SAAL1: variants seen among roughly 807,000 people sequenced by gnomAD.
The protein encoded by SAAL1 is serum amyloid A like 1.
SAAL1 carries 42 observed loss-of-function variants against 59.8 expected under a neutral mutation model. The ratio of observed to expected loss-of-function variants is 0.70; its 90% CI spans 0.55 to 0.91. The LOEUF is 0.91. Ranked by LOEUF, SAAL1 falls within the 40% of genes least tolerant of loss-of-function variation. SAAL1 has a pLI of 0.00. For missense variants in SAAL1, 542 were observed against 561.1 expected (o/e 0.97, Z 0.34); for synonymous variants, 191 against 194.3 (o/e 0.98, Z 0.14).
intron 10 of SAAL1, 157 bp downstream of exon 10, chr11:18,083,378 A>G: frequency 1.9e-6 from 1 of 513,554 alleles, no homozygotes; most frequent in Non-Finnish European, 3.4e-6. Flanking sequence ...CACATCAGCT[A>G]GTTGTTTTTA....
At chr11:18,102,215 A>C (rs1848642118) in intron 2 of SAAL1, among the ~76,000 whole-genome samples, 1 of 152,150 alleles carries the variant, frequency 6.6e-6, no homozygotes. Context: ...CAGCCTCGCC[A>C]ACAGGGTAAA....
intron 7 of SAAL1, 99 bp downstream of exon 7, chr11:18,089,231 T>A: frequency 9.4e-7 from 1 of 1,066,210 alleles, no homozygotes; most frequent in Non-Finnish European, 1.3e-6. Context: ...GACTATGTAC[T>A]TTATTCTGTT....
At chr11:18,093,076 T>C (rs2134060868) in intron 3 of SAAL1, among the ~76,000 whole-genome samples, 1 of 152,346 alleles carries the variant, frequency 6.6e-6, no homozygotes, top group East Asian at 1.9e-4. Flanking sequence ...ATCATTCTTT[T>C]GTTCAACATA....
chr11:18,090,871 C>T (rs1848516785), intron 4 of SAAL1: 1 of 157,120 alleles, frequency 6.4e-6, no homozygotes, highest in Non-Finnish European at 1.4e-5. Flanking sequence ...AATAAATAGA[C>T]ATAATCTGGG....
chr11:18,087,007 G>A lies in SAAL1; in HGVS notation c.901C>T (p.Leu301=). 6.2e-7 allele frequency: 1 copy of A among 1,613,888 alleles called. No individual in the cohort carries two copies. Among genetic ancestry groups the A allele is most frequent in the Non-Finnish European group, 8.5e-7 (1 of 1,179,842 alleles). The change falls in exon 9 of 12, where the codon CTG becomes TTG. Residue 301 remains leucine, a synonymous_variant. Transcript: ENST00000524803. ...GACTGGCAGAATTCATGGCAGACCA[G>A]GTCAAAAAGTAAATTCCAAATGTCT... ...GKDIWNLLFD[L]VCHEFCQSDD...
chr11:18,088,310 T>G (rs1009407230), intron 7 of SAAL1, among the ~76,000 whole-genome samples: 3 of 152,216 alleles, frequency 2.0e-5, no homozygotes, highest in Admixed American at 6.5e-5. Context: ...GTTACATGCA[T>G]GATGCTGAGG....
chr11:18,080,348 G>T lies in SAAL1; in HGVS notation c.*51C>A. ...TCCAATAAGTCAATTTCAACTGTCA[G>T]TGAGAAAAATAAAGTTTATTTCTTG... is the stretch of plus-strand genomic sequence containing the variant. On this transcript the variant is annotated 3_prime_UTR_variant, in exon 12 of 12. Coordinates refer to ENST00000524803, the MANE Select transcript of SAAL1 (RefSeq NM_138421.3). The T allele has an allele frequency of 8.8e-7, 1 of 1,141,836 alleles. No homozygotes were observed. Among genetic ancestry groups the T allele is most frequent in the Non-Finnish European group, 1.3e-6 (1 of 783,694 alleles). The allele number at this position is 1,141,836 out of a possible 1,614,324, so 70.7% of individuals were successfully genotyped here. A position where few individuals can be genotyped will look rare whatever the true frequency, so the allele number is the denominator to read the frequency against.
In SAAL1 at chr11:18,100,210, G is replaced by A. The variant is rs560783493; in HGVS notation, c.249+3023C>T. ...CTCAACCAACCTGATCTGACATTGA[G>A]AATAAGATATTCCACCCAGCAACAG... On this transcript the variant is annotated intron_variant, in intron 2 of 11. Transcript: ENST00000524803. 7.9e-5 allele frequency among the ~76,000 whole-genome samples: 12 copies of A among 152,272 alleles called. No individual in the cohort carries two copies. The South Asian group carries it at 2.5e-3, about 32-fold the overall frequency.
At chr11:18,099,346 A>G (rs1848608465) in intron 2 of SAAL1, among the ~76,000 whole-genome samples, 1 of 152,126 alleles carries the variant, frequency 6.6e-6, no homozygotes, top group Admixed American at 6.5e-5. Flanking sequence ...CTCCCCAAAT[A>G]TTTTCTGAAA....
intron 5 of SAAL1, 35 bp from the exon 6 acceptor site, chr11:18,090,325 CAA>C (rs747670128): frequency 1.7e-3 from 2,118 of 1,274,460 alleles, no homozygotes; most frequent in Admixed American, 5.4e-3. Context: ...TTCTACTTTT[CAA>C]AAAAAAAAAA....
intron 2 of SAAL1, among the ~76,000 whole-genome samples, chr11:18,099,760 C>T (rs1017348357): frequency 6.6e-6 from 1 of 152,172 alleles, no homozygotes; most frequent in Non-Finnish European, 1.5e-5. Flanking sequence ...AAGGATTTTG[C>T]CAGCTGGAAG....
intron 10 of SAAL1, 39 bp from the exon 11 acceptor site, chr11:18,081,542 T>A (rs753950073): frequency 8.0e-6 from 12 of 1,507,388 alleles, no homozygotes; most frequent in Non-Finnish European, 1.1e-5. Context: ...AAAAGGAAAA[T>A]TTTTCAAGCT....
At chr11:18,086,550 A>T (rs758370451) in intron 9 of SAAL1, among the ~76,000 whole-genome samples, 24 of 151,920 alleles carry the variant, frequency 1.6e-4, no homozygotes, top group Non-Finnish European at 3.2e-4. Flanking sequence ...AAAATACAAA[A>T]ATTAGCTGGG....
In SAAL1 at chr11:18,080,489, C is replaced by T; in HGVS notation, c.1335G>A (p.Val445=). ...QNLLPFYSPV[V]EDFIKILREV... Reference sequence around the variant, plus strand: ...CACGTAGGATTTTAATAAAATCTTCCACCTGTGAGTCAAACAAACAAACAA... The same window carrying T: ...CACGTAGGATTTTAATAAAATCTTCTACCTGTGAGTCAAACAAACAAACAA... The change falls in exon 12 of 12, where the codon GTG becomes GTA. Residue 445 remains valine (V), a splice_region_variant and synonymous_variant. Coordinates refer to ENST00000524803, the MANE Select transcript of SAAL1 (RefSeq NM_138421.3). 1 of 1,577,846 alleles carries T rather than the reference C, an allele frequency of 6.3e-7. No homozygotes were observed. The highest frequency in any genetic ancestry group is 8.6e-7 in the Non-Finnish European group (1 of 1,168,538).
intron 9 of SAAL1, among the ~76,000 whole-genome samples, chr11:18,084,053 G>A (rs982812577): frequency 1.3e-5 from 2 of 152,180 alleles, no homozygotes; most frequent in Admixed American, 6.5e-5. Context: ...AATACCCTAG[G>A]AGGTCAGGGG....
At chr11:18,101,183 T>C (rs756789348) in intron 2 of SAAL1, among the ~76,000 whole-genome samples, 4 of 152,210 alleles carry the variant, frequency 2.6e-5, no homozygotes, top group African/African-American at 9.7e-5. Context: ...CTTGTGGTTA[T>C]GTAAAATGGT....
chr11:18,097,510 C>T (rs1275250700), intron 2 of SAAL1, among the ~76,000 whole-genome samples: 1 of 152,168 alleles, frequency 6.6e-6, no homozygotes, highest in African/African-American at 2.4e-5. Context: ...TTGGTGATTA[C>T]CTATCAGGTA....
intron 2 of SAAL1, among the ~76,000 whole-genome samples, chr11:18,101,280 A>G (rs1848630698): frequency 6.6e-6 from 1 of 152,148 alleles, no homozygotes; most frequent in Non-Finnish European, 1.5e-5. Flanking sequence ...CACTTGATAT[A>G]TGGTCTGGCT....
At chr11:18,083,080 CAAA>C (rs1238296036) in intron 10 of SAAL1, 7 of 152,320 alleles carry the variant, frequency 4.6e-5, no homozygotes, top group African/African-American at 1.7e-4. Flanking sequence ...AAAACATGGT[CAAA>C]AGAAGAATAT....
Sources: gnomAD v4.1 joint callset for allele counts (sites outside exome capture counted in the v4.1 genomes callset) on GRCh38, gnomAD v4.1.1 for gene constraint, MANE v1.5 for transcripts, NCBI Gene and HGNC (gene_info 2026-07-23, HGNC 2026-07-21) for gene names.